DMGDH: variants seen among roughly 807,000 people sequenced by gnomAD.
DMGDH encodes the protein dimethylglycine dehydrogenase, also known as dimethylglycine dehydrogenase, mitochondrial.
DMGDH carries 76 observed loss-of-function variants against 95.2 expected under a neutral mutation model. That is an observed-to-expected ratio of 0.80 (90% CI 0.66 to 0.97). DMGDH has a LOEUF of 0.97. DMGDH is among the 50% of genes least tolerant of loss of function. DMGDH has a pLI of 0.00. For synonymous variants in DMGDH, 345 were observed against 377.6 expected (o/e 0.91, Z 1.00); for missense variants, 987 against 1,055.0 (o/e 0.94, Z 0.89).
chr5:79,029,658 T>C (rs930711668), intron 11 of DMGDH, among the ~76,000 whole-genome samples: 1 of 148,226 alleles, frequency 6.7e-6, no homozygotes, highest in Non-Finnish European at 1.5e-5. Flanking sequence ...TTCTGGCACA[T>C]TGATGATGCC....
intron 14 of DMGDH, among the ~76,000 whole-genome samples, chr5:79,007,143 C>T (rs538249508): frequency 6.6e-6 from 1 of 152,280 alleles, no homozygotes; most frequent in African/African-American, 2.4e-5. Flanking sequence ...TGGGGAGTCA[C>T]AGGAAGAGCT....
intron 5 of DMGDH, among the ~76,000 whole-genome samples, chr5:79,047,562 C>T (rs990031862): frequency 6.6e-6 from 1 of 152,088 alleles, no homozygotes; most frequent in Non-Finnish European, 1.5e-5. Flanking sequence ...CAACACCATG[C>T]GGAGAAAAAG....
At chr5:79,025,187 G>A (rs1753964988) in intron 13 of DMGDH, among the ~76,000 whole-genome samples, 1 of 152,224 alleles carries the variant, frequency 6.6e-6, no homozygotes, top group Non-Finnish European at 1.5e-5. Context: ...TGGGAAATCG[G>A]AGGGACGGGA....
Position 79,063,770 on chromosome 5 carries a change from A to G in DMGDH, c.119T>C (p.Leu40Ser). ...GTCTTTCCATTGTGTTTCTGCAGAT[A>G]AGGGTGGTTTTTCCTCTCTGGAAGA... Reference protein sequence around the residue: ...CGREGEEKPPLSAETQWKDRA... With the variant: ...CGREGEEKPPSSAETQWKDRA... Residue 40 changes from leucine to serine, a missense_variant, in exon 2 of 16, where the codon TTA (leucine) becomes TCA (serine). Leu to Ser is a moderately radical substitution (Grantham distance 145). Coordinates refer to ENST00000255189, the MANE Select transcript of DMGDH (RefSeq NM_013391.3). 1 of 1,614,156 alleles carries G rather than the reference A, an allele frequency of 6.2e-7. No individual in the cohort carries two copies. Among genetic ancestry groups the G allele is most frequent in the East Asian group, 2.2e-5 (1 of 44,882 alleles).
chr5:79,027,358 T>A (rs562123994), intron 12 of DMGDH, among the ~76,000 whole-genome samples: 1 of 152,082 alleles, frequency 6.6e-6, no homozygotes, highest in African/African-American at 2.4e-5. Context: ...TTGCCAACGT[T>A]GGGTGGAAGA....
chr5:79,042,512 C>A (rs1754539726), intron 6 of DMGDH, 31 bp from the exon 7 acceptor site: 1 of 1,607,184 alleles, frequency 6.2e-7, no homozygotes, highest in Non-Finnish European at 8.5e-7. Flanking sequence ...GGTCAGGATG[C>A]CGTAGCTGAG....
At chr5:79,069,236 A>T (rs1014267372) in intron 1 of DMGDH, among the ~76,000 whole-genome samples, 10 of 152,132 alleles carry the variant, frequency 6.6e-5, no homozygotes, top group African/African-American at 2.4e-4. Context: ...CCAAAGGAAA[A>T]CCTATACTGA....
chr5:79,044,981 A>G (rs190642904), intron 5 of DMGDH, among the ~76,000 whole-genome samples: 54 of 152,330 alleles, frequency 3.5e-4, no homozygotes, highest in Middle Eastern at 3.4e-3. Flanking sequence ...TGTGACCAAC[A>G]TAATACATAA....
intron 15 of DMGDH, among the ~76,000 whole-genome samples, chr5:78,998,608 G>C (rs1753399658): frequency 6.6e-6 from 1 of 152,184 alleles, no homozygotes; most frequent in Non-Finnish European, 1.5e-5. Flanking sequence ...CCAGCACTTG[G>C]GGAGGCTGAG....
Position 79,051,279 on chromosome 5 carries a change from AT to A in DMGDH, c.745+7del. ...AAAACACTAATTTCAAAAAAATGAT[AT>A]GCTTACCTGCAGCATTCACAATTCT... On this transcript the variant is annotated splice_region_variant and intron_variant, in intron 5 of 15. Coordinates refer to ENST00000255189, the MANE Select transcript of DMGDH (RefSeq NM_013391.3). The A allele has an allele frequency of 6.2e-7, 1 of 1,613,998 alleles. No individual in the cohort carries two copies. Among genetic ancestry groups the A allele is most frequent in the Non-Finnish European group, 8.5e-7 (1 of 1,179,872 alleles).
chr5:79,062,872 T>C (rs1228504339), intron 2 of DMGDH, among the ~76,000 whole-genome samples: 2 of 152,124 alleles, frequency 1.3e-5, no homozygotes, highest in Non-Finnish European at 2.9e-5. Context: ...GGCAGGCGGA[T>C]CATGAGGTCA....
At chr5:79,000,952 T>G (rs537432698) in intron 15 of DMGDH, 1 of 680,166 alleles carries the variant, frequency 1.5e-6, no homozygotes, top group East Asian at 2.5e-5. Flanking sequence ...TTTGGCAGCA[T>G]CACTTGCAAG....
Position 79,028,712 on chromosome 5 carries a change from T to C in DMGDH, c.1815-62A>G, listed in dbSNP as rs1036467858. On this transcript the variant is annotated intron_variant, in intron 11 of 15. Coordinates refer to ENST00000255189, the MANE Select transcript of DMGDH (RefSeq NM_013391.3). ...TTGAATAATGTACTTTGGTAATAAA[T>C]TATCTCTCTGAAGACATGCTTTGTG... 10 of 1,539,176 alleles carry C rather than the reference T, an allele frequency of 6.5e-6. No homozygotes were observed. In the African/African-American group the frequency reaches 1.1e-4, roughly 17 times the overall value.
intron 2 of DMGDH, among the ~76,000 whole-genome samples, chr5:79,061,254 CACACACACACACA>C (rs1270315503): frequency 4.4e-4 from 64 of 145,256 alleles, no homozygotes; most frequent in African/African-American, 1.6e-3. Flanking sequence ...CACACACACA[CACACACACACACA>C]AACACCTAAT....
intron 14 of DMGDH, among the ~76,000 whole-genome samples, chr5:79,008,255 G>A (rs1031637045): frequency 2.0e-5 from 3 of 152,164 alleles, no homozygotes; most frequent in South Asian, 2.1e-4. Flanking sequence ...ATGGGAGAGC[G>A]GGGATCGGGG....
At chr5:79,014,741 C>T (rs1480570985) in intron 14 of DMGDH, among the ~76,000 whole-genome samples, 2 of 152,128 alleles carry the variant, frequency 1.3e-5, no homozygotes, top group African/African-American at 4.8e-5. Context: ...ATGGAGTGAA[C>T]ATTTTCTTCA....
At chr5:79,064,391 G>C (rs1441235491) in intron 1 of DMGDH, among the ~76,000 whole-genome samples, 2 of 151,844 alleles carry the variant, frequency 1.3e-5, no homozygotes, top group African/African-American at 4.8e-5. Context: ...TTGTACAGCT[G>C]TCTAGGGTAC....
At chr5:79,050,102 C>CAA (rs1754795375) in intron 5 of DMGDH, among the ~76,000 whole-genome samples, 1 of 151,108 alleles carries the variant, frequency 6.6e-6, no homozygotes, top group Non-Finnish European at 1.5e-5. Context: ...ACTAAAAATA[C>CAA]AAAAATTAGC....
At chr5:79,025,337 C>G (rs1334064004) in intron 13 of DMGDH, among the ~76,000 whole-genome samples, 3 of 152,130 alleles carry the variant, frequency 2.0e-5, no homozygotes, top group Non-Finnish European at 4.4e-5. Flanking sequence ...ACCGCGCTGT[C>G]CTCCGTTTCT....
Sources: gnomAD v4.1 joint callset for allele counts (sites outside exome capture counted in the v4.1 genomes callset) on GRCh38, gnomAD v4.1.1 for gene constraint, MANE v1.5 for transcripts, NCBI Gene and HGNC (gene_info 2026-07-23, HGNC 2026-07-21) for gene names.